KPNA5: variants seen among roughly 807,000 people sequenced by gnomAD.
The protein encoded by KPNA5 is importin subunit alpha-6.
KPNA5 carries 46 observed loss-of-function variants against 71.3 expected under a neutral mutation model. The ratio of observed to expected loss-of-function variants is 0.65; its 90% CI spans 0.51 to 0.83. KPNA5 has a LOEUF of 0.83. KPNA5 is among the 40% of genes least tolerant of loss of function. The pLI is 0.00. For missense variants in KPNA5, 547 were observed against 628.3 expected, an observed-to-expected ratio of 0.87 and a Z score of 1.38; for synonymous variants, 207 against 201.4, an observed-to-expected ratio of 1.03 and a Z score of -0.24.
intron 5 of KPNA5, among the ~76,000 whole-genome samples, chr6:116,700,116 G>C (rs556435436): frequency 6.6e-6 from 1 of 152,236 alleles, no homozygotes; most frequent in Admixed American, 6.5e-5. Flanking sequence ...AGGAGCGTTT[G>C]GCAGACTGAA....
At chr6:116,723,625 T>C (rs9481667) in intron 9 of KPNA5, among the ~76,000 whole-genome samples, 2,568 of 152,248 alleles carry the variant, frequency 0.017, 78 homozygotes, top group African/African-American at 0.058. Context: ...TTAATGTATA[T>C]TTTATTGAAT....
At chr6:116,725,454 A>G (rs1026252224) in intron 10 of KPNA5, among the ~76,000 whole-genome samples, 1 of 152,206 alleles carries the variant, frequency 6.6e-6, no homozygotes, top group African/African-American at 2.4e-5. Flanking sequence ...GACCTCGGTC[A>G]CCAAATCTTT....
intron 4 of KPNA5, among the ~76,000 whole-genome samples, chr6:116,694,052 C>T (rs565922936): frequency 1.1e-4 from 17 of 151,546 alleles, no homozygotes; most frequent in South Asian, 4.2e-4. Context: ...GTTGTAGATA[C>T]GTGGCATTAT....
rs1472436586 is a variant in KPNA5 at position 116,735,508 on chromosome 6, C to T, written c.*3185C>T. The T allele has an allele frequency of 1.3e-5, 2 of 151,602 alleles. No individual in the cohort carries two copies. The highest frequency in any genetic ancestry group is 3.0e-5 in the Non-Finnish European group (2 of 67,682). The allele number at this position is 151,602 out of a possible 1,614,324, so 9.4% of individuals were successfully genotyped here. On this transcript the variant is annotated 3_prime_UTR_variant, in exon 14 of 14. Coordinates refer to ENST00000368564, the MANE Select transcript of KPNA5 (RefSeq NM_001366306.2). ...ATAGAGCTCTAAAAGGATAGTATAT[C>T]TTTAAATTCTGACTGGGGAGTAAGA...
intron 3 of KPNA5, 45 bp from the exon 4 acceptor site, chr6:116,692,248 G>A: frequency 1.4e-6 from 2 of 1,425,744 alleles, no homozygotes; most frequent in Non-Finnish European, 9.7e-7. Context: ...AATTATTCAT[G>A]TAAAATATGT....
At chr6:116,717,174 C>T (rs531558600) in intron 8 of KPNA5, among the ~76,000 whole-genome samples, 95 of 152,308 alleles carry the variant, frequency 6.2e-4, no homozygotes, top group African/African-American at 2.3e-3. Flanking sequence ...TTTGTGCTAA[C>T]ATGCCAACAG....
At chr6:116,730,248 G>A (rs914164248) in intron 13 of KPNA5, among the ~76,000 whole-genome samples, 6 of 151,600 alleles carry the variant, frequency 4.0e-5, no homozygotes, top group East Asian at 3.9e-4. Flanking sequence ...CACCATGCCC[G>A]GCTGATTTTT....
chr6:116,702,544 G>A (rs759383538), intron 6 of KPNA5, among the ~76,000 whole-genome samples: 17 of 152,156 alleles, frequency 1.1e-4, no homozygotes, highest in African/African-American at 4.8e-5. Context: ...TTAGCCAGGC[G>A]TGGTGCCACA....
intron 12 of KPNA5, among the ~76,000 whole-genome samples, chr6:116,728,024 A>T (rs1779347424): frequency 6.6e-6 from 1 of 152,048 alleles, no homozygotes; most frequent in Admixed American, 6.6e-5. Flanking sequence ...GTCGTCTTTT[A>T]TTGCCTTCAT....
rs552326093 is a variant in KPNA5 at position 116,710,277 on chromosome 6, T to G, written c.656+5117T>G. On this transcript the variant is annotated intron_variant, in intron 7 of 13. Transcript: ENST00000368564. ...CCTAGGATTTTGTTGAGGATTTTTG[T>G]ATGTATATTCCGAAGAAATATTTTT... Among the ~76,000 whole-genome samples, 29 of 152,286 alleles carry G rather than the reference T, an allele frequency of 1.9e-4. No individual in the cohort carries two copies. The South Asian group carries it at 5.8e-3, about 30-fold the overall frequency.
rs1319166594 is a variant in KPNA5, at chr6:116,736,050, C to CAT, written c.*3730_*3731dup. On this transcript the variant is annotated 3_prime_UTR_variant, in exon 14 of 14. Transcript: ENST00000368564. ...AGTAAGTTGGGGTGGCCATATAATG[C>CAT]ATATCAAGGTGCATTTCAGAGCAAG... is the stretch of plus-strand genomic sequence containing the variant. The CAT allele has an allele frequency of 1.3e-5, 2 of 151,844 alleles. No individual in the cohort carries two copies. The highest frequency in any genetic ancestry group is 3.9e-4 in the East Asian group (2 of 5,172). The allele number at this position is 151,844 out of a possible 1,614,324, so 9.4% of individuals were successfully genotyped here.
intron 4 of KPNA5, among the ~76,000 whole-genome samples, chr6:116,696,727 A>C (rs1049448976): frequency 6.6e-6 from 1 of 152,094 alleles, no homozygotes; most frequent in Non-Finnish European, 1.5e-5. Context: ...ACTTATTGCC[A>C]TAATGACTAA....
intron 1 of KPNA5, chr6:116,681,625 C>A: frequency 1.0e-6 from 1 of 980,224 alleles, no homozygotes; most frequent in Non-Finnish European, 1.3e-6. Flanking sequence ...CCCCGCCTCA[C>A]CGTTTCTCGG....
intron 8 of KPNA5, among the ~76,000 whole-genome samples, chr6:116,721,337 G>C (rs1392504218): frequency 6.6e-6 from 1 of 151,554 alleles, no homozygotes; most frequent in Non-Finnish European, 1.5e-5. Context: ...TTTTTTAGTA[G>C]AGATCGGGTT....
intron 1 of KPNA5, among the ~76,000 whole-genome samples, chr6:116,684,908 C>A (rs1475072727): frequency 6.6e-6 from 1 of 152,158 alleles, no homozygotes; most frequent in Non-Finnish European, 1.5e-5. Context: ...TGCAAAGCAA[C>A]TGGAACTCTC....
chr6:116,698,806 T>A lies in KPNA5; in HGVS notation c.435+8T>A. 1 of 1,465,584 alleles carries A rather than the reference T, an allele frequency of 6.8e-7. No individual in the cohort carries two copies. Among genetic ancestry groups the A allele is most frequent in the Non-Finnish European group, 9.3e-7 (1 of 1,075,920 alleles). 90.8% of individuals were successfully genotyped at this position (1,465,584 alleles called of 1,614,324 possible). A position where few individuals can be genotyped will look rare whatever the true frequency, so the allele number is the denominator to read the frequency against. On this transcript the variant is annotated splice_region_variant and intron_variant, in intron 5 of 13. Coordinates refer to ENST00000368564, the MANE Select transcript of KPNA5 (RefSeq NM_001366306.2). ...GAAAATTGCACTTTACAAGTGAGTC[T>A]AAAGTTTTCTTTCTTAATTTTTCTC...
chr6:116,720,684 C>T (rs773348801), intron 8 of KPNA5, among the ~76,000 whole-genome samples: 2 of 151,996 alleles, frequency 1.3e-5, no homozygotes, highest in Non-Finnish European at 2.9e-5. Context: ...GAAACCCTGT[C>T]TGTACAAAAA....
At chr6:116,687,747 G>A (rs963582128) in intron 1 of KPNA5, among the ~76,000 whole-genome samples, 1 of 151,986 alleles carries the variant, frequency 6.6e-6, no homozygotes, top group African/African-American at 2.4e-5. Flanking sequence ...ACATTCATTT[G>A]GCCTCTAATT....
intron 7 of KPNA5, among the ~76,000 whole-genome samples, chr6:116,715,254 T>A (rs1393314168): frequency 1.3e-5 from 2 of 152,118 alleles, no homozygotes; most frequent in African/African-American, 4.8e-5. Flanking sequence ...ACTCCTGAAA[T>A]TGCATGCCAA....
Sources: allele counts gnomAD v4.1 joint callset (sites outside exome capture counted in the v4.1 genomes callset), GRCh38; gene constraint gnomAD v4.1.1; transcripts MANE v1.5; gene names NCBI Gene and HGNC (gene_info 2026-07-23, HGNC 2026-07-21).